Variants in CDH1 observed in about 807,000 individuals in gnomAD.
The protein encoded by CDH1 is cadherin-1.
A neutral mutation model predicts 84.5 loss-of-function variants in CDH1; 35 were observed. The observed-to-expected ratio is 0.41, with a 90% CI of 0.32 to 0.55. CDH1 has a LOEUF of 0.55. CDH1 is among the 20% of genes least tolerant of loss of function. The pLI is 0.19. For synonymous variants in CDH1, 417 were observed against 439.0 expected, an observed-to-expected ratio of 0.95 and a Z score of 0.63; for missense variants, 994 against 1,126.6, an observed-to-expected ratio of 0.88 and a Z score of 1.68.
Position 68,760,086 on chromosome 16 carries a change from A to ATATATT in CDH1, c.163+21676_163+21677insATATTT, listed in dbSNP as rs1486542814. 9.8e-5 allele frequency among the ~76,000 whole-genome samples: 12 copies of ATATATT among 122,132 alleles called. No individual in the cohort carries two copies. The East Asian group carries it at 1.2e-3, about 13-fold the overall frequency. 80.1% of individuals were successfully genotyped at this position (122,132 alleles called of 152,430 possible). A position where few individuals can be genotyped will look rare whatever the true frequency, so the allele number is the denominator to read the frequency against. ...CTTGTAAAGTATTCCATATATATAT[A>ATATATT]TTTTTTTTTTTTTTTTAATTTTTTT... On this transcript the variant is annotated intron_variant, in intron 2 of 15. Coordinates refer to ENST00000261769, the MANE Select transcript of CDH1 (RefSeq NM_004360.5).
intron 2 of CDH1, among the ~76,000 whole-genome samples, chr16:68,745,766 C>G (rs2152116498): frequency 6.6e-6 from 1 of 151,902 alleles, no homozygotes; most frequent in East Asian, 1.9e-4. Flanking sequence ...TGCCCTCTTG[C>G]AGATTCACTG....
intron 2 of CDH1, 112 bp downstream of exon 2, chr16:68,738,523 C>T (rs1052597463): frequency 1.4e-5 from 9 of 650,424 alleles, no homozygotes; most frequent in Non-Finnish European, 2.4e-5. Context: ...CTCCTTGGCT[C>T]AAACGACACC....
chr16:68,805,277 C>T (rs1450725770), intron 3 of CDH1, among the ~76,000 whole-genome samples: 4 of 151,808 alleles, frequency 2.6e-5, no homozygotes, highest in Non-Finnish European at 5.9e-5. Flanking sequence ...GCCTTGGCCT[C>T]CCAAAGTGCT....
intron 2 of CDH1, among the ~76,000 whole-genome samples, chr16:68,790,055 T>TCAAAAA (rs1039149054): frequency 7.9e-5 from 12 of 151,978 alleles, no homozygotes; most frequent in South Asian, 2.1e-4. Context: ...AAACTCCATC[T>TCAAAAA]CAAAAACAAA....
chr16:68,801,130 G>T (rs1173598731), intron 2 of CDH1, among the ~76,000 whole-genome samples: 1 of 151,912 alleles, frequency 6.6e-6, no homozygotes, highest in African/African-American at 2.4e-5. Flanking sequence ...TTTATTTTTT[G>T]AGATGGAGTC....
At chr16:68,759,330 C>T (rs1963100098) in intron 2 of CDH1, among the ~76,000 whole-genome samples, 1 of 152,134 alleles carries the variant, frequency 6.6e-6, no homozygotes. Flanking sequence ...AGACCCCCAT[C>T]TCTACCAATA....
At chr16:68,748,835 TTTTTG>T (rs1349423611) in intron 2 of CDH1, among the ~76,000 whole-genome samples, 1 of 152,172 alleles carries the variant, frequency 6.6e-6, no homozygotes, top group African/African-American at 2.4e-5. Context: ...AAAACAGTTT[TTTTTG>T]TTTTTGTTTT....
chr16:68,754,679 C>T (rs1165465633), intron 2 of CDH1, among the ~76,000 whole-genome samples: 1 of 152,156 alleles, frequency 6.6e-6, no homozygotes, highest in Non-Finnish European at 1.5e-5. Flanking sequence ...TGGATCATTC[C>T]TTCTCTGAAG....
intron 2 of CDH1, among the ~76,000 whole-genome samples, chr16:68,798,021 G>A (rs1424396124): frequency 6.6e-6 from 1 of 152,006 alleles, no homozygotes; most frequent in African/African-American, 2.4e-5. Flanking sequence ...AGAGGTTGCA[G>A]TGAGCCCAGA....
At chr16:68,791,443 G>A (rs1328094644) in intron 2 of CDH1, among the ~76,000 whole-genome samples, 1 of 151,942 alleles carries the variant, frequency 6.6e-6, no homozygotes, top group Non-Finnish European at 1.5e-5. Flanking sequence ...TCTTTTTGGA[G>A]ATAGCATCTC....
intron 2 of CDH1, among the ~76,000 whole-genome samples, chr16:68,788,087 A>G (rs1960113768): frequency 6.6e-6 from 1 of 152,120 alleles, no homozygotes; most frequent in Admixed American, 6.6e-5. Flanking sequence ...TTGGCCTCCC[A>G]AAGTGCTGGG....
At chr16:68,825,336 G>T (rs191786641) in intron 13 of CDH1, among the ~76,000 whole-genome samples, 108 of 152,278 alleles carry the variant, frequency 7.1e-4, no homozygotes, top group African/African-American at 2.4e-3. Context: ...GCAAAGCACA[G>T]CAGAGGCTTG....
At position 68,750,150 on chromosome 16, in the gene CDH1, C is replaced by CTGTTTTTTTTTTTTTTTT. The variant is rs1962850863; in HGVS notation, c.163+11740_163+11741insGTTTTTTTTTTTTTTTTT. Reference sequence around the variant, plus strand: ...TTTTGATTGTGATGCTAGAATTCAGCTTTTTTTTTTGCCTTTGGAAGGCCT... The same window carrying CTGTTTTTTTTTTTTTTTT: ...TTTTGATTGTGATGCTAGAATTCAGCTGTTTTTTTTTTTTTTTTTTTTTTTTTTGCCTTTGGAAGGCCT... On this transcript the variant is annotated intron_variant, in intron 2 of 15. Coordinates refer to ENST00000261769, the MANE Select transcript of CDH1 (RefSeq NM_004360.5). 2.5e-5 allele frequency among the ~76,000 whole-genome samples: 2 copies of CTGTTTTTTTTTTTTTTTT among 79,094 alleles called. 1 individual carries two copies. The highest frequency in any genetic ancestry group is 5.2e-5 in the Non-Finnish European group (2 of 38,558). 51.9% of individuals were successfully genotyped at this position (79,094 alleles called of 152,430 possible).
Position 68,808,469 on chromosome 16 carries a change from T to C in CDH1, c.433T>C (p.Ser145Pro). 1 of 1,614,052 alleles carries C rather than the reference T, an allele frequency of 6.2e-7. No homozygotes were observed. The highest frequency in any genetic ancestry group is 8.5e-7 in the Non-Finnish European group (1 of 1,179,958). The change falls in exon 4 of 16, where the codon TCC becomes CCC. Residue 145 changes from serine (S) to proline (P), a missense_variant. Ser to Pro is a moderately conservative substitution (Grantham distance 74). This residue lies in a region of CDH1 where 203 missense variants were observed against 194.0 expected (regional missense o/e 1.05). Transcript: ENST00000261769. ...IQAELLTFPN[S>P]SPGLRRQKRD... is the part of the protein sequence containing the mutation. ...AGCAGAATTGCTCACATTTCCCAAC[T>C]CCTCTCCTGGCCTCAGAAGACAGAA...
intron 2 of CDH1, among the ~76,000 whole-genome samples, chr16:68,785,861 C>T (rs1160884172): frequency 6.6e-6 from 1 of 152,134 alleles, no homozygotes; most frequent in Non-Finnish European, 1.5e-5. Context: ...CAAACAATGC[C>T]TTAGTGAATA....
chr16:68,805,659 A>G (rs1960635771), intron 3 of CDH1, among the ~76,000 whole-genome samples: 2 of 152,292 alleles, frequency 1.3e-5, no homozygotes, highest in South Asian at 4.1e-4. Flanking sequence ...CAATGGCACA[A>G]TCTCAGCTCA....
intron 8 of CDH1, among the ~76,000 whole-genome samples, chr16:68,812,899 G>A (rs1597895361): frequency 6.6e-6 from 1 of 152,140 alleles, no homozygotes; most frequent in African/African-American, 2.4e-5. Flanking sequence ...AATTAGCTGG[G>A]CGTGGTGGTG....
At chr16:68,810,550 C>T (rs1198393588) in intron 6 of CDH1, among the ~76,000 whole-genome samples, 1 of 150,506 alleles carries the variant, frequency 6.6e-6, no homozygotes, top group East Asian at 1.9e-4. Context: ...GAACAATCTT[C>T]CCTTTTTTAT....
chr16:68,761,931 G>A (rs897549605), intron 2 of CDH1, among the ~76,000 whole-genome samples: 1 of 152,136 alleles, frequency 6.6e-6, no homozygotes, highest in African/African-American at 2.4e-5. Flanking sequence ...CTTTCACTTG[G>A]GACTCCTCTG....
Sources: allele counts gnomAD v4.1 joint callset (sites outside exome capture counted in the v4.1 genomes callset), GRCh38; gene constraint gnomAD v4.1.1; regional missense constraint gnomAD v4.1.1; transcripts MANE v1.5; gene names NCBI Gene and HGNC (gene_info 2026-07-23, HGNC 2026-07-21).